CHST9: variants seen among roughly 807,000 people sequenced by gnomAD.
CHST9 encodes carbohydrate sulfotransferase 9, also known as GalNAc-4-sulfotransferase 2.
Under a neutral mutation model 44.4 loss-of-function variants are expected in CHST9, and 41 were observed. The ratio of observed to expected loss-of-function variants is 0.92; its 90% CI spans 0.72 to 1.20. The LOEUF (loss-of-function observed/expected upper bound fraction) is 1.20. Ranked by LOEUF, CHST9 falls within the 50% of genes most tolerant of loss-of-function variation. The probability of loss-of-function intolerance (pLI) is 0.00; values close to 1 mark genes in which losing one functional copy is unlikely to be tolerated. For missense variants in CHST9, 504 were observed against 516.5 expected, an observed-to-expected ratio of 0.98 and a Z score of 0.23; for synonymous variants, 171 against 178.4, an observed-to-expected ratio of 0.96 and a Z score of 0.33.
At chr18:26,958,640 A>G (rs2056359732) in intron 4 of CHST9, among the ~76,000 whole-genome samples, 1 of 152,162 alleles carries the variant, frequency 6.6e-6, no homozygotes, top group East Asian at 1.9e-4. Context: ...ACAAGCAAAA[A>G]CAAACAACCT....
At chr18:27,158,653 A>G (rs1227363347) in intron 1 of CHST9, among the ~76,000 whole-genome samples, 7 of 152,058 alleles carry the variant, frequency 4.6e-5, no homozygotes, top group African/African-American at 1.7e-4. Context: ...TGGTATTTCT[A>G]GTTCAAGATC....
At position 27,056,977 on chromosome 18, in the gene CHST9, A is replaced by T. The variant is rs183921355; in HGVS notation, c.122-8474T>A. On this transcript the variant is annotated intron_variant, in intron 2 of 5. Transcript: ENST00000618847. ...CAAAATTCTCCCCAGTTATGAGCTA[A>T]GATCATATGATTTTAGGATGCAGGC... is the stretch of plus-strand genomic sequence containing the variant. Among the ~76,000 whole-genome samples, 624 of 152,348 alleles carry T rather than the reference A, an allele frequency of 4.1e-3. 3 individuals carry two copies. The highest frequency in any genetic ancestry group is 6.8e-3 in the Non-Finnish European group (464 of 68,038).
intron 1 of CHST9, among the ~76,000 whole-genome samples, chr18:27,158,151 C>T (rs149585667): frequency 0.011 from 1,712 of 152,006 alleles, 26 homozygotes; most frequent in African/African-American, 0.036. Flanking sequence ...ATATGCACAA[C>T]GTGCAGGTTA....
intron 2 of CHST9, among the ~76,000 whole-genome samples, chr18:27,096,009 T>G (rs2058113395): frequency 6.6e-6 from 1 of 152,064 alleles, no homozygotes; most frequent in Admixed American, 6.6e-5. Context: ...ACATGGAACA[T>G]ACTCCAAGAT....
intron 4 of CHST9, among the ~76,000 whole-genome samples, chr18:27,010,437 T>C (rs918553217): frequency 1.3e-5 from 2 of 152,304 alleles, no homozygotes; most frequent in Admixed American, 6.5e-5. Context: ...ACAGTTGTTG[T>C]CTTACAGTCA....
At chr18:26,997,777 T>G (rs2056902890) in intron 4 of CHST9, among the ~76,000 whole-genome samples, 1 of 152,156 alleles carries the variant, frequency 6.6e-6, no homozygotes, top group Admixed American at 6.5e-5. Flanking sequence ...TTGGGTAATA[T>G]CACTGTCTTC....
intron 5 of CHST9, among the ~76,000 whole-genome samples, chr18:26,921,891 A>G (rs2055661841): frequency 6.6e-6 from 1 of 152,142 alleles, no homozygotes; most frequent in Non-Finnish European, 1.5e-5. Flanking sequence ...AAAATCTGAG[A>G]GATGCTTTAA....
chr18:27,142,052 T>A (rs1012106259), intron 2 of CHST9, among the ~76,000 whole-genome samples: 1 of 152,240 alleles, frequency 6.6e-6, no homozygotes, highest in Non-Finnish European at 1.5e-5. Context: ...CTATTGCCTG[T>A]GGACCAAATC....
At chr18:26,946,942 C>T (rs975760965) in intron 4 of CHST9, among the ~76,000 whole-genome samples, 18 of 152,222 alleles carry the variant, frequency 1.2e-4, no homozygotes, top group African/African-American at 3.9e-4. Context: ...AGTTTGAAGT[C>T]GGGTGGTATG....
rs569478911 is a variant in CHST9, at chr18:27,171,626, A to T, written c.-97+13510T>A. Among the ~76,000 whole-genome samples, 12 of 152,302 alleles carry T rather than the reference A, an allele frequency of 7.9e-5. No homozygotes were observed. The East Asian group carries it at 2.3e-3, about 29-fold the overall frequency. On this transcript the variant is annotated intron_variant, in intron 1 of 5. Transcript: ENST00000618847. ...TAAATGTACAAGGTTCATAAAGAGA[A>T]CGTGGTTGTTTTACATTTTATTTTA... is the stretch of plus-strand genomic sequence containing the variant.
intron 5 of CHST9, among the ~76,000 whole-genome samples, chr18:26,918,451 C>T (rs2055579284): frequency 6.6e-6 from 1 of 151,576 alleles, no homozygotes; most frequent in Non-Finnish European, 1.5e-5. Context: ...GGAAAGTTTC[C>T]TAGGGAATAT....
chr18:27,008,834 G>C lies in CHST9; in HGVS notation c.202+15282C>G, dbSNP rs115142560. Among the ~76,000 whole-genome samples, 1,428 of 151,782 alleles carry C rather than the reference G, an allele frequency of 9.4e-3. 21 individuals carry two copies. Among genetic ancestry groups the C allele is most frequent in the African/African-American group, 0.033 (1,360 of 41,402 alleles). On this transcript the variant is annotated intron_variant, in intron 4 of 5. Coordinates refer to ENST00000618847, the MANE Select transcript of CHST9 (RefSeq NM_031422.6). ...TTCCATTCTTCTGCCATCATCAGGA[G>C]AGTTGAATCTTCAGTGGCCCTTCAA... is the stretch of plus-strand genomic sequence containing the variant.
intron 4 of CHST9, among the ~76,000 whole-genome samples, chr18:26,996,860 A>C (rs867496247): frequency 6.6e-6 from 1 of 152,186 alleles, no homozygotes; most frequent in South Asian, 2.1e-4. Flanking sequence ...ATTTGACTCT[A>C]TGCTGCTTGT....
At chr18:27,129,634 C>A (rs889052844) in intron 2 of CHST9, among the ~76,000 whole-genome samples, 1 of 152,100 alleles carries the variant, frequency 6.6e-6, no homozygotes, top group African/African-American at 2.4e-5. Flanking sequence ...CTCAAATGTT[C>A]CATCAGCCTC....
At chr18:26,983,125 C>T (rs1342089783) in intron 4 of CHST9, among the ~76,000 whole-genome samples, 2 of 152,104 alleles carry the variant, frequency 1.3e-5, no homozygotes, top group African/African-American at 4.8e-5. Flanking sequence ...GGTGGTATAA[C>T]CAAGCATGGT....
intron 2 of CHST9, among the ~76,000 whole-genome samples, chr18:27,070,355 A>G: frequency 6.6e-6 from 1 of 152,210 alleles, no homozygotes; most frequent in East Asian, 1.9e-4. Flanking sequence ...AATTATACAT[A>G]ATATAATTGG....
intron 4 of CHST9, among the ~76,000 whole-genome samples, chr18:26,995,794 CT>C (rs1336104871): frequency 6.6e-6 from 1 of 152,156 alleles, no homozygotes; most frequent in Admixed American, 6.5e-5. Context: ...AGAAAGACTG[CT>C]TTGCTTTGTC....
At chr18:27,048,603 C>G in intron 2 of CHST9, 100 bp from the exon 3 acceptor site, 3 of 937,668 alleles carry the variant, frequency 3.2e-6, no homozygotes, top group South Asian at 3.2e-5. Flanking sequence ...AACACAACCT[C>G]TACTTCAGCC....
rs1193625027 is a variant in CHST9 at position 26,913,382 on chromosome 18, A to G, written c.*2877T>C. The G allele has an allele frequency of 6.6e-6, 1 of 152,210 alleles. No individual in the cohort carries two copies. The allele number at this position is 152,210 out of a possible 1,614,324, so 9.4% of individuals were successfully genotyped here. ...ATTTCCAAATGTTTGAGAAAATCCG[A>G]AAACTGGATGTCCTGTACATACATT... On this transcript the variant is annotated 3_prime_UTR_variant, in exon 6 of 6. Transcript: ENST00000618847.
Sources: allele counts gnomAD v4.1 joint callset (sites outside exome capture counted in the v4.1 genomes callset), GRCh38; gene constraint gnomAD v4.1.1; transcripts MANE v1.5; gene names NCBI Gene and HGNC (gene_info 2026-07-23, HGNC 2026-07-21).